The following SLC1A7 variants were observed in gnomAD, a reference collection of about 807,000 sequenced individuals.
SLC1A7 encodes solute carrier family 1 member 7, also known as excitatory amino acid transporter 5.
Under a neutral mutation model 47.7 loss-of-function variants are expected in SLC1A7, and 40 were observed. The observed-to-expected ratio is 0.84, with a 90% CI of 0.65 to 1.09. The LOEUF is 1.09. Among genes scored for constraint, SLC1A7 ranks in the 50% least tolerant of loss-of-function variants. The pLI is 0.00. For missense variants in SLC1A7, 746 were observed against 769.5 expected, an observed-to-expected ratio of 0.97 and a Z score of 0.36; for synonymous variants, 323 against 325.6, an observed-to-expected ratio of 0.99 and a Z score of 0.09.
intron 2 of SLC1A7, among the ~76,000 whole-genome samples, chr1:53,121,357 G>T (rs143691628): frequency 1.6e-3 from 243 of 152,348 alleles, no homozygotes; most frequent in African/African-American, 5.7e-3. Context: ...CCCCGGATGG[G>T]CTTAGGGGAA....
intron 3 of SLC1A7, chr1:53,107,831 C>T (rs1431046643): frequency 6.6e-6 from 1 of 152,172 alleles, no homozygotes; most frequent in Non-Finnish European, 1.5e-5. Context: ...ATATTTGCTG[C>T]GTAAACCAAT....
intron 2 of SLC1A7, among the ~76,000 whole-genome samples, chr1:53,118,866 G>A (rs560280019): frequency 1.1e-3 from 161 of 152,144 alleles, no homozygotes; most frequent in African/African-American, 3.7e-3. Flanking sequence ...GTGTGGTGGC[G>A]CATGCCTGTA....
At chr1:53,094,703 G>A (rs544574067) in intron 5 of SLC1A7, among the ~76,000 whole-genome samples, 6 of 152,298 alleles carry the variant, frequency 3.9e-5, no homozygotes, top group African/African-American at 1.4e-4. Flanking sequence ...CCTGGCTGAT[G>A]CAGACCCAGA....
intron 4 of SLC1A7, among the ~76,000 whole-genome samples, chr1:53,104,617 C>G (rs1644619029): frequency 6.6e-6 from 1 of 152,230 alleles, no homozygotes; most frequent in African/African-American, 2.4e-5. Flanking sequence ...ACTCCCTAGC[C>G]TAGCATTCAG....
chr1:53,137,051 C>T (rs1645008122), intron 1 of SLC1A7, among the ~76,000 whole-genome samples: 1 of 152,024 alleles, frequency 6.6e-6, no homozygotes, highest in Non-Finnish European at 1.5e-5. Flanking sequence ...CTTTGGGAGG[C>T]CAAGGTAGGT....
At chr1:53,131,355 C>A (rs1644940609) in intron 2 of SLC1A7, among the ~76,000 whole-genome samples, 1 of 152,220 alleles carries the variant, frequency 6.6e-6, no homozygotes. Flanking sequence ...TGTCCAAGGC[C>A]ACACAGCTAA....
chr1:53,124,269 C>T (rs1644857943), intron 2 of SLC1A7, among the ~76,000 whole-genome samples: 1 of 150,974 alleles, frequency 6.6e-6, no homozygotes, highest in Non-Finnish European at 1.5e-5. Flanking sequence ...CACACACACA[C>T]ACACACACAC....
At chr1:53,111,407 G>A (rs1481183428) in intron 3 of SLC1A7, among the ~76,000 whole-genome samples, 1 of 152,202 alleles carries the variant, frequency 6.6e-6, no homozygotes, top group East Asian at 1.9e-4. Context: ...GTTGCCATGT[G>A]CTGGGTTGAG....
At chr1:53,128,545 T>A (rs569027286) in intron 2 of SLC1A7, among the ~76,000 whole-genome samples, 1 of 137,972 alleles carries the variant, frequency 7.2e-6, no homozygotes, top group Admixed American at 7.4e-5. Context: ...GCGCAAGGAA[T>A]GGCTCTGGGT....
chr1:53,108,229 C>T (rs1206252935), intron 3 of SLC1A7: 7 of 242,872 alleles, frequency 2.9e-5, no homozygotes, highest in Admixed American at 5.1e-5. Flanking sequence ...CCACCTGGGT[C>T]GCCTCCCACT....
At chr1:53,090,096 C>T in intron 8 of SLC1A7, 162 bp from the exon 9 acceptor site, 1 of 710,010 alleles carries the variant, frequency 1.4e-6, no homozygotes. Flanking sequence ...GGTCAAGTCC[C>T]TCCTCACAGT....
chr1:53,126,670 C>T (rs1644886082), intron 2 of SLC1A7, among the ~76,000 whole-genome samples: 2 of 152,180 alleles, frequency 1.3e-5, no homozygotes, highest in African/African-American at 4.8e-5. Flanking sequence ...GGGGGACAGG[C>T]CCAACCAGCT....
At chr1:53,111,021 A>G (rs920876253) in intron 3 of SLC1A7, among the ~76,000 whole-genome samples, 2 of 152,122 alleles carry the variant, frequency 1.3e-5, no homozygotes, top group African/African-American at 4.8e-5. Flanking sequence ...CAGGGAACGG[A>G]GGTTAAAGAG....
chr1:53,103,472 TCTC>T lies in SLC1A7; in HGVS notation c.568_570del (p.Glu190del), dbSNP rs1644606684. ...GCGAAGTTCTGCACATGGGAGCCAT[TCTC>T]CTCCTGGACCCCGTAGATGAGGATC... is the stretch of plus-strand genomic sequence containing the variant. On this transcript the variant is annotated inframe_deletion, in exon 5 of 11. Coordinates refer to ENST00000371494, the MANE Select transcript of SLC1A7 (RefSeq NM_006671.6). 1 of 1,613,264 alleles carries T rather than the reference TCTC, an allele frequency of 6.2e-7. No homozygotes were observed. Among genetic ancestry groups the T allele is most frequent in the Non-Finnish European group, 8.5e-7 (1 of 1,179,750 alleles).
At chr1:53,134,488 G>T in intron 1 of SLC1A7, 59 bp from the exon 2 acceptor site, 1 of 1,104,410 alleles carries the variant, frequency 9.1e-7, no homozygotes, top group Non-Finnish European at 1.4e-6. Flanking sequence ...CAGTGGTTCC[G>T]TTCTTCACAG....
intron 3 of SLC1A7, among the ~76,000 whole-genome samples, chr1:53,112,039 G>A (rs558771379): frequency 5.3e-5 from 8 of 152,208 alleles, no homozygotes; most frequent in Non-Finnish European, 1.2e-4. Flanking sequence ...CGATGGCCTC[G>A]GTTTGTAGAC....
In SLC1A7 at chr1:53,096,218, G is replaced by A. The variant is rs773152401; in HGVS notation, c.698-2658C>T. 5.6e-5 allele frequency among the ~76,000 whole-genome samples: 8 copies of A among 143,182 alleles called. No homozygotes were observed. The East Asian group carries it at 6.5e-4, about 12-fold the overall frequency. The allele number at this position is 143,182 out of a possible 152,430, so 93.9% of individuals were successfully genotyped here. Reference sequence around the variant, plus strand: ...TTGTTACTTTCACGCGCCTAGCCTCGATACACTCACACACCCTGCCTTGGT... The same window carrying A: ...TTGTTACTTTCACGCGCCTAGCCTCAATACACTCACACACCCTGCCTTGGT... On this transcript the variant is annotated intron_variant, in intron 5 of 10. Transcript: ENST00000371494.
At chr1:53,114,672 C>T (rs1249722721) in intron 3 of SLC1A7, 86 bp downstream of exon 3, 37 of 1,175,444 alleles carry the variant, frequency 3.1e-5, no homozygotes, top group Non-Finnish European at 4.6e-5. Flanking sequence ...ACCCCCATCT[C>T]CACACCCCGT....
intron 5 of SLC1A7, among the ~76,000 whole-genome samples, chr1:53,095,603 T>C (rs1396287408): frequency 2.1e-5 from 3 of 145,848 alleles, no homozygotes; most frequent in Non-Finnish European, 4.5e-5. Context: ...CCCGCCTCGT[T>C]ACACACACAC....
Sources: gnomAD v4.1 joint callset for allele counts (sites outside exome capture counted in the v4.1 genomes callset) on GRCh38, gnomAD v4.1.1 for gene constraint, MANE v1.5 for transcripts, NCBI Gene and HGNC (gene_info 2026-07-23, HGNC 2026-07-21) for gene names.